LRRN2: variants seen among roughly 807,000 people sequenced by gnomAD.
The protein encoded by LRRN2 is leucine-rich repeat neuronal protein 2.
In LRRN2, 10 loss-of-function variants were observed where a neutral mutation model predicts 35.7. The ratio of observed to expected loss-of-function variants is 0.28; its 90% CI spans 0.17 to 0.47. The LOEUF is 0.47. Among genes scored for constraint, LRRN2 ranks in the 20% least tolerant of loss-of-function variants. The pLI is 0.99. For missense variants in LRRN2, 731 were observed against 940.3 expected (o/e 0.78, Z 2.91); for synonymous variants, 391 against 409.6 (o/e 0.95, Z 0.55).
At chr1:204,672,868 C>G (rs542573532) in intron 1 of LRRN2, among the ~76,000 whole-genome samples, 1 of 152,190 alleles carries the variant, frequency 6.6e-6, no homozygotes, top group Non-Finnish European at 1.5e-5. Context: ...ATCAATCATC[C>G]GCTTCATCCA....
intron 1 of LRRN2, among the ~76,000 whole-genome samples, chr1:204,680,683 C>T (rs946284888): frequency 3.9e-5 from 6 of 152,164 alleles, no homozygotes; most frequent in East Asian, 1.9e-4. Flanking sequence ...ATGTTCTGGG[C>T]GACCAGCCAG....
At chr1:204,625,229 G>T (rs1398400646) in intron 1 of LRRN2, among the ~76,000 whole-genome samples, 1 of 152,180 alleles carries the variant, frequency 6.6e-6, no homozygotes, top group African/African-American at 2.4e-5. Flanking sequence ...TCCCTGAGCT[G>T]GGAATGGGGA....
At chr1:204,655,828 A>C (rs1175529338) in intron 1 of LRRN2, among the ~76,000 whole-genome samples, 2 of 152,212 alleles carry the variant, frequency 1.3e-5, no homozygotes, top group Non-Finnish European at 2.9e-5. Context: ...ACCGAAACGC[A>C]GGATAATTGT....
Position 204,619,079 on chromosome 1 carries a change from G to A in LRRN2, c.914C>T (p.Ala305Val). Residue 305 changes from alanine (A) to valine (V), a missense_variant, in exon 2 of 2, where the codon GCC (alanine) becomes GTC (valine). Coordinates refer to ENST00000367177, the MANE Select transcript of LRRN2 (RefSeq NM_201630.2). ...MEELVSIDKF[A>V]LVNLPELTKL... The stretch of plus-strand genomic sequence containing the variant: ...GGTCAGCTCGGGGAGGTTCACCAGG[G>A]CAAACTTGTCGATGGAGACCAGCTC... 1 of 1,606,814 alleles carries A rather than the reference G, an allele frequency of 6.2e-7. No individual in the cohort carries two copies. Among genetic ancestry groups the A allele is most frequent in the Non-Finnish European group, 8.5e-7 (1 of 1,175,466 alleles).
chr1:204,669,162 G>T lies in LRRN2; in HGVS notation c.-227+16158C>A, dbSNP rs372752605. Among the ~76,000 whole-genome samples the T allele has an allele frequency of 5.9e-5, 9 of 152,280 alleles. No individual in the cohort carries two copies. The South Asian group carries it at 1.2e-3, about 21-fold the overall frequency. On this transcript the variant is annotated intron_variant, in intron 1 of 1. Coordinates refer to ENST00000367177, the MANE Select transcript of LRRN2 (RefSeq NM_201630.2). Reference sequence around the variant, plus strand: ...TCACACGTGAAAGATTAATGCTATTGTTCCTGAAAAATCTATTGGTGAGGA... The same window carrying T: ...TCACACGTGAAAGATTAATGCTATTTTTCCTGAAAAATCTATTGGTGAGGA...
At chr1:204,631,421 T>C (rs764802893) in intron 1 of LRRN2, among the ~76,000 whole-genome samples, 3 of 149,330 alleles carry the variant, frequency 2.0e-5, no homozygotes, top group Non-Finnish European at 4.4e-5. Flanking sequence ...CCTGACCTTA[T>C]CCCAGGCACT....
intron 1 of LRRN2, among the ~76,000 whole-genome samples, chr1:204,678,541 C>T (rs748573239): frequency 6.6e-6 from 1 of 152,180 alleles, no homozygotes; most frequent in Non-Finnish European, 1.5e-5. Flanking sequence ...TCACCAGCTC[C>T]AGACCTCTCC....
In LRRN2 at chr1:204,618,676, C is replaced by G. The variant is rs965562950; in HGVS notation, c.1317G>C (p.Glu439Asp). ...FPPSLQVASG[E>D]SMVLHCRALA... is the part of the protein sequence containing the mutation. ...GTGCCCGGCAATGCAGCACCATGCT[C>G]TCTCCACTGGCTACCTGGAGGCTTG... Residue 439 changes from glutamate (E) to aspartate (D), a missense_variant, in exon 2 of 2, where the codon GAG (glutamate) becomes GAC (aspartate). Physicochemically the swap from Glu to Asp is conservative, Grantham distance 45 (BLOSUM62 2). Around this residue, in one of 3 missense-constraint regions of LRRN2, gnomAD observed 256 missense variants for 392.4 expected, o/e 0.65. Coordinates refer to ENST00000367177, the MANE Select transcript of LRRN2 (RefSeq NM_201630.2). The G allele has an allele frequency of 1.9e-6, 3 of 1,602,176 alleles. No individual in the cohort carries two copies. Among genetic ancestry groups the G allele is most frequent in the South Asian group, 2.3e-5 (2 of 88,718 alleles).
intron 1 of LRRN2, among the ~76,000 whole-genome samples, chr1:204,661,696 C>T (rs2102618423): frequency 6.6e-6 from 1 of 152,310 alleles, no homozygotes; most frequent in South Asian, 2.1e-4. Flanking sequence ...CCATGAGGGG[C>T]AGCTGGGTGG....
At position 204,657,008 on chromosome 1, in the gene LRRN2, A is replaced by T. The variant is rs111553541; in HGVS notation, c.-227+28312T>A. ...GTCTACCAACTGATAGATGGATAAA[A>T]AAATATGGTATATCTGACAGGCGTG... On this transcript the variant is annotated intron_variant, in intron 1 of 1. Transcript: ENST00000367177. Among the ~76,000 whole-genome samples, 943 of 152,286 alleles carry T rather than the reference A, an allele frequency of 6.2e-3. 14 individuals are homozygous for T. Among genetic ancestry groups the T allele is most frequent in the African/African-American group, 0.021 (880 of 41,554 alleles).
At chr1:204,671,632 T>C (rs1358187763) in intron 1 of LRRN2, among the ~76,000 whole-genome samples, 2 of 93,812 alleles carry the variant, frequency 2.1e-5, no homozygotes, top group Non-Finnish European at 3.8e-5. Context: ...CAGAGGAAGG[T>C]AATTGATGGT....
chr1:204,653,036 C>T (rs970546882), intron 1 of LRRN2, among the ~76,000 whole-genome samples: 1 of 152,184 alleles, frequency 6.6e-6, no homozygotes, highest in African/African-American at 2.4e-5. Flanking sequence ...GAAGGGACCT[C>T]GGTATCCACC....
intron 1 of LRRN2, among the ~76,000 whole-genome samples, chr1:204,670,653 G>A (rs2102239455): frequency 6.6e-6 from 1 of 152,092 alleles, no homozygotes; most frequent in Non-Finnish European, 1.5e-5. Flanking sequence ...GGAAGGATGA[G>A]TCAGCAAAGA....
At chr1:204,639,633 T>A (rs1204530777) in intron 1 of LRRN2, among the ~76,000 whole-genome samples, 1 of 152,196 alleles carries the variant, frequency 6.6e-6, no homozygotes, top group Admixed American at 6.5e-5. Context: ...GAAGGCACTG[T>A]CTCTAAAGTA....
chr1:204,639,459 C>T (rs1190333911), intron 1 of LRRN2, among the ~76,000 whole-genome samples: 1 of 16,540 alleles, frequency 6.0e-5, no homozygotes, highest in African/African-American at 1.8e-4. Context: ...CAAGTGAGAC[C>T]CCCGTCTCTA....
chr1:204,673,969 CAG>C (rs1170781022), intron 1 of LRRN2, among the ~76,000 whole-genome samples: 1 of 152,134 alleles, frequency 6.6e-6, no homozygotes, highest in Non-Finnish European at 1.5e-5. Context: ...CTTTTGTTCT[CAG>C]GGCCCAGGAA....
At position 204,618,595 on chromosome 1, in the gene LRRN2, T is replaced by C; in HGVS notation, c.1398A>G (p.Thr466=). 6.2e-7 allele frequency: 1 copy of C among 1,613,838 alleles called. No individual in the cohort carries two copies. ...YWVTPAGLRL[T]PAHAGRRYRV... ...GGTACCTCCTGCCTGCATGGGCAGG[T>C]GTCAGTCGAAGCCCAGCTGGAGTGA... Residue 466 remains threonine (T), a synonymous_variant, in exon 2 of 2, where the codon ACA becomes ACG. Coordinates refer to ENST00000367177, the MANE Select transcript of LRRN2 (RefSeq NM_201630.2).
intron 1 of LRRN2, among the ~76,000 whole-genome samples, chr1:204,652,243 G>A (rs2492986): frequency 2.5e-5 from 3 of 121,600 alleles, no homozygotes; most frequent in Non-Finnish European, 5.0e-5. Flanking sequence ...TCTCCCCTTC[G>A]CCCTCTCCTC....
At chr1:204,651,027 G>C (rs1292727739) in intron 1 of LRRN2, among the ~76,000 whole-genome samples, 2 of 151,816 alleles carry the variant, frequency 1.3e-5, no homozygotes, top group Non-Finnish European at 2.9e-5. Flanking sequence ...TGGATTATCT[G>C]AGTAGGACAA....
Sources: allele counts gnomAD v4.1 joint callset (sites outside exome capture counted in the v4.1 genomes callset), GRCh38; gene constraint gnomAD v4.1.1; regional missense constraint gnomAD v4.1.1; transcripts MANE v1.5; gene names NCBI Gene and HGNC (gene_info 2026-07-23, HGNC 2026-07-21).